Variants in CAMK1D observed in about 807,000 individuals in gnomAD.
CAMK1D encodes calcium/calmodulin dependent protein kinase ID.
A neutral mutation model predicts 47.7 loss-of-function variants in CAMK1D; 9 were observed. The ratio of observed to expected loss-of-function variants is 0.19; its 90% CI spans 0.11 to 0.33. The LOEUF is 0.33. Among genes scored for constraint, CAMK1D ranks in the 10% least tolerant of loss-of-function variants. The pLI, the probability that CAMK1D is intolerant of heterozygous loss-of-function variation, is 1.00. For synonymous variants in CAMK1D, 184 were observed against 184.9 expected, an observed-to-expected ratio of 0.99 and a Z score of 0.04; for missense variants, 291 against 488.7, an observed-to-expected ratio of 0.60 and a Z score of 3.81.
chr10:12,663,441 C>T (rs950197900), intron 2 of CAMK1D, among the ~76,000 whole-genome samples: 1 of 152,140 alleles, frequency 6.6e-6, no homozygotes, highest in Non-Finnish European at 1.5e-5. Context: ...TTATATCCCT[C>T]AAATCTGTGC....
intron 3 of CAMK1D, among the ~76,000 whole-genome samples, chr10:12,710,088 A>T (rs1270545051): frequency 3.3e-5 from 5 of 152,146 alleles, no homozygotes; most frequent in Admixed American, 3.3e-4. Flanking sequence ...TACCTCAGAG[A>T]TTGTCATGAG....
In CAMK1D at chr10:12,666,724, T is replaced by G. The variant is rs1172992606; in HGVS notation, c.225-12T>G. The G allele has an allele frequency of 6.2e-7, 1 of 1,603,392 alleles. No individual in the cohort carries two copies. Among genetic ancestry groups the G allele is most frequent in the Non-Finnish European group, 8.5e-7 (1 of 1,172,072 alleles). ...CATACTCACTATTTTGTGCGTCTAT[T>G]TTTTTTTTCAGGATTAAGCATGAAA... is the stretch of plus-strand genomic sequence containing the variant. On this transcript the variant is annotated splice_polypyrimidine_tract_variant and intron_variant, in intron 2 of 10. Transcript: ENST00000619168.
intron 1 of CAMK1D, among the ~76,000 whole-genome samples, chr10:12,389,118 A>T (rs1838627623): frequency 6.6e-6 from 1 of 152,110 alleles, no homozygotes; most frequent in African/African-American, 2.4e-5. Context: ...GCTTAGAGAG[A>T]GGCTAATTAT....
At chr10:12,632,149 C>A (rs1564457380) in intron 2 of CAMK1D, among the ~76,000 whole-genome samples, 2 of 152,202 alleles carry the variant, frequency 1.3e-5, no homozygotes, top group Admixed American at 1.3e-4. Flanking sequence ...GGTTTGCAGA[C>A]TTTGTTGCTA....
At position 12,834,592 on chromosome 10, in the gene CAMK1D, G is replaced by A. The variant is rs1420737225; in HGVS notation, c.*5705G>A. 2 of 152,214 alleles carry A rather than the reference G, an allele frequency of 1.3e-5. No homozygotes were observed. Among genetic ancestry groups the A allele is most frequent in the African/African-American group, 2.4e-5 (1 of 41,524 alleles). The allele number at this position is 152,214 out of a possible 1,614,324, so 9.4% of individuals were successfully genotyped here. A position where few individuals can be genotyped will look rare whatever the true frequency, so the allele number is the denominator to read the frequency against. ...CACCGCTTCTGCATTCGCCATATCC[G>A]TTTTTTAACCTTTTTGTCTCCGGGG... is the stretch of plus-strand genomic sequence containing the variant. On this transcript the variant is annotated 3_prime_UTR_variant, in exon 11 of 11. Coordinates refer to ENST00000619168, the MANE Select transcript of CAMK1D (RefSeq NM_153498.4).
chr10:12,438,016 G>T (rs1832684182), intron 1 of CAMK1D, among the ~76,000 whole-genome samples: 1 of 152,358 alleles, frequency 6.6e-6, no homozygotes. Context: ...CAGAAGGAAA[G>T]CAGATGTTCA....
At chr10:12,572,804 A>AT (rs1161247468) in intron 2 of CAMK1D, among the ~76,000 whole-genome samples, 1 of 151,938 alleles carries the variant, frequency 6.6e-6, no homozygotes, top group East Asian at 1.9e-4. Context: ...TAATTTTAAA[A>AT]TTTTTTTGTA....
chr10:12,765,817 T>C (rs545791909), intron 4 of CAMK1D, among the ~76,000 whole-genome samples: 1 of 152,078 alleles, frequency 6.6e-6, no homozygotes, highest in Admixed American at 6.5e-5. Context: ...TAGCTGAGCT[T>C]GAGGAGGTGG....
At chr10:12,431,078 G>A (rs1832458354) in intron 1 of CAMK1D, among the ~76,000 whole-genome samples, 1 of 151,970 alleles carries the variant, frequency 6.6e-6, no homozygotes, top group Non-Finnish European at 1.5e-5. Context: ...AAATGCTATT[G>A]TTTTTATTTT....
intron 1 of CAMK1D, among the ~76,000 whole-genome samples, chr10:12,438,900 A>C (rs759451681): frequency 3.3e-5 from 5 of 152,240 alleles, no homozygotes; most frequent in Admixed American, 6.5e-5. Context: ...GCATCCTTGG[A>C]CAGCACCGTG....
intron 2 of CAMK1D, among the ~76,000 whole-genome samples, chr10:12,604,758 T>G (rs1262668487): frequency 6.6e-6 from 1 of 152,114 alleles, no homozygotes; most frequent in Non-Finnish European, 1.5e-5. Flanking sequence ...GCTCCCAAAA[T>G]AGAAGGAAGG....
chr10:12,574,608 G>T (rs1185707210), intron 2 of CAMK1D, among the ~76,000 whole-genome samples: 1 of 150,158 alleles, frequency 6.7e-6, no homozygotes, highest in Non-Finnish European at 1.5e-5. Flanking sequence ...GTGAGCCACT[G>T]CATCTGGCCT....
At chr10:12,675,587 G>A (rs765644266) in intron 3 of CAMK1D, among the ~76,000 whole-genome samples, 23 of 152,166 alleles carry the variant, frequency 1.5e-4, no homozygotes, top group South Asian at 4.1e-4. Context: ...ACTTTTCCTC[G>A]TCTCTATACC....
At chr10:12,577,617 CTT>C (rs1308631663) in intron 2 of CAMK1D, among the ~76,000 whole-genome samples, 2 of 152,104 alleles carry the variant, frequency 1.3e-5, no homozygotes, top group African/African-American at 2.4e-5. Flanking sequence ...CTGTCTTTCT[CTT>C]TTGTTGTCTG....
chr10:12,628,948 A>G (rs1839302179), intron 2 of CAMK1D, among the ~76,000 whole-genome samples: 1 of 152,122 alleles, frequency 6.6e-6, no homozygotes. Flanking sequence ...TTGATAGCTT[A>G]TTTCTTTTTA....
chr10:12,564,671 G>C (rs1309251963), intron 2 of CAMK1D, among the ~76,000 whole-genome samples: 1 of 152,082 alleles, frequency 6.6e-6, no homozygotes, highest in Non-Finnish European at 1.5e-5. Flanking sequence ...CCATTTTTTA[G>C]CTATTTGCAT....
chr10:12,672,083 T>C (rs1479696954), intron 3 of CAMK1D, among the ~76,000 whole-genome samples: 1 of 150,988 alleles, frequency 6.6e-6, no homozygotes, highest in African/African-American at 2.4e-5. Flanking sequence ...GCCTGGCTAA[T>C]TTTTTGTATT....
chr10:12,542,425 A>T (rs1465860266), intron 1 of CAMK1D, among the ~76,000 whole-genome samples: 1 of 152,206 alleles, frequency 6.6e-6, no homozygotes, highest in Non-Finnish European at 1.5e-5. Context: ...AGCCAATAAT[A>T]GCTACACTAA....
chr10:12,756,679 C>T (rs1281074993), intron 3 of CAMK1D, among the ~76,000 whole-genome samples: 1 of 152,222 alleles, frequency 6.6e-6, no homozygotes, highest in African/African-American at 2.4e-5. Context: ...GTAATCCCAG[C>T]ACTTTGGGAG....
Sources: gnomAD v4.1 joint callset for allele counts (sites outside exome capture counted in the v4.1 genomes callset) on GRCh38, gnomAD v4.1.1 for gene constraint, MANE v1.5 for transcripts, NCBI Gene and HGNC (gene_info 2026-07-23, HGNC 2026-07-21) for gene names.